ARMC3: variants seen among roughly 807,000 people sequenced by gnomAD.
ARMC3 encodes armadillo repeat-containing protein 3.
A neutral mutation model predicts 90.3 loss-of-function variants in ARMC3; 74 were observed. The observed-to-expected ratio is 0.82, with a 90% CI of 0.68 to 0.99. ARMC3 has a LOEUF of 0.99. Ranked by LOEUF, ARMC3 falls within the 50% of genes least tolerant of loss-of-function variation. The pLI, the probability that ARMC3 is intolerant of heterozygous loss-of-function variation, is 0.00. For missense variants in ARMC3, 958 were observed against 1,042.8 expected, an observed-to-expected ratio of 0.92 and a Z score of 1.12; for synonymous variants, 334 against 361.8, an observed-to-expected ratio of 0.92 and a Z score of 0.87.
intron 10 of ARMC3, among the ~76,000 whole-genome samples, chr10:22,988,689 T>A (rs567500472): frequency 1.3e-5 from 2 of 152,304 alleles, no homozygotes; most frequent in South Asian, 4.1e-4. Context: ...GTTCCACTTT[T>A]CCTTCTCCAT....
At chr10:22,947,889 A>G (rs192355210) in intron 3 of ARMC3, among the ~76,000 whole-genome samples, 6 of 152,324 alleles carry the variant, frequency 3.9e-5, no homozygotes, top group Admixed American at 3.9e-4. Flanking sequence ...ATTTAAAAAC[A>G]TACAAGATGC....
chr10:23,025,980 A>T (rs1448962160), intron 16 of ARMC3, among the ~76,000 whole-genome samples: 2 of 152,130 alleles, frequency 1.3e-5, no homozygotes, highest in African/African-American at 4.8e-5. Flanking sequence ...AGCAACTTAG[A>T]TGCAATGAAT....
At chr10:22,950,825 G>A (rs1316690217) in intron 3 of ARMC3, among the ~76,000 whole-genome samples, 2 of 151,836 alleles carry the variant, frequency 1.3e-5, no homozygotes, top group African/African-American at 4.8e-5. Context: ...CCAAGCATTA[G>A]TAACAGAAAT....
At chr10:23,028,309 T>A (rs1183106674) in intron 16 of ARMC3, among the ~76,000 whole-genome samples, 1 of 152,232 alleles carries the variant, frequency 6.6e-6, no homozygotes, top group Non-Finnish European at 1.5e-5. Context: ...AATTACGTAT[T>A]TCTCAGTTCC....
intron 18 of ARMC3, among the ~76,000 whole-genome samples, chr10:23,033,288 A>G (rs1838993259): frequency 1.3e-5 from 2 of 152,208 alleles, no homozygotes; most frequent in African/African-American, 4.8e-5. Context: ...CCATACACCT[A>G]CTATGGCGAG....
chr10:22,951,870 C>G (rs1044978056), intron 3 of ARMC3, among the ~76,000 whole-genome samples: 15 of 152,124 alleles, frequency 9.9e-5, no homozygotes, highest in Admixed American at 9.8e-4. Context: ...GTGGCTCACA[C>G]CTGTAATCTC....
chr10:22,974,047 C>T (rs7895048), intron 8 of ARMC3, among the ~76,000 whole-genome samples: 30,335 of 151,938 alleles, frequency 0.2, 3,252 homozygotes, highest in African/African-American at 0.27. Flanking sequence ...CGTGAGCCAC[C>T]GCGGTCGGCC....
chr10:22,959,894 T>C (rs1213801836), intron 6 of ARMC3: 3 of 473,674 alleles, frequency 6.3e-6, no homozygotes, highest in Non-Finnish European at 1.3e-5. Context: ...GCAGCTACTA[T>C]TGACTGAACC....
intron 16 of ARMC3, among the ~76,000 whole-genome samples, chr10:23,017,798 A>G (rs1369976871): frequency 6.6e-6 from 1 of 152,142 alleles, no homozygotes; most frequent in Non-Finnish European, 1.5e-5. Flanking sequence ...AAAACAGGTA[A>G]TTCACCTGCC....
At chr10:23,002,262 A>G (rs1837333760) in intron 12 of ARMC3, among the ~76,000 whole-genome samples, 1 of 151,474 alleles carries the variant, frequency 6.6e-6, no homozygotes, top group Non-Finnish European at 1.5e-5. Context: ...ACTGCCCTTG[A>G]AAAAATCACC....
At chr10:22,934,960 TC>T (rs2131133790) in intron 2 of ARMC3, among the ~76,000 whole-genome samples, 1 of 152,286 alleles carries the variant, frequency 6.6e-6, no homozygotes, top group East Asian at 1.9e-4. Context: ...TGTGTGGCCA[TC>T]ATGATTTACG....
At chr10:22,974,889 G>C (rs1016438550) in intron 8 of ARMC3, among the ~76,000 whole-genome samples, 1 of 150,944 alleles carries the variant, frequency 6.6e-6, no homozygotes, top group Non-Finnish European at 1.5e-5. Context: ...TGATCCACCT[G>C]CCTTGGCCTC....
chr10:23,011,307 A>G (rs569918810), intron 16 of ARMC3, among the ~76,000 whole-genome samples: 1 of 152,326 alleles, frequency 6.6e-6, no homozygotes, highest in Admixed American at 6.5e-5. Flanking sequence ...ATGCATCTGG[A>G]GCAAATGGGT....
rs1335241346 is a variant in ARMC3 at position 22,962,593 on chromosome 10, A to G, written c.732+515A>G. Among the ~76,000 whole-genome samples, 4 of 152,234 alleles carry G rather than the reference A, an allele frequency of 2.6e-5. No individual in the cohort carries two copies. The East Asian group carries it at 7.7e-4, about 29-fold the overall frequency. On this transcript the variant is annotated intron_variant, in intron 7 of 18. Transcript: ENST00000298032. ...CTGAATGTGTCCTGTGTCTTTCGCC[A>G]CTAATTCCTTAGTGAAACAGTAATA... is the stretch of plus-strand genomic sequence containing the variant.
rs1263934807 is a variant in ARMC3, at chr10:22,946,178, C to T, written c.83C>T (p.Ala28Val). The T allele has an allele frequency of 1.2e-6, 2 of 1,612,250 alleles. No individual in the cohort carries two copies. The part of the protein sequence containing the change: ...DPLMIESKKA[A>V]TVVLMLNSPE... ...TTAATGATTGAAAGCAAAAAAGCAG[C>T]AACTGTGGTGTTAATGCTTAATTCT... Residue 28 changes from alanine (A) to valine (V), a missense_variant, in exon 3 of 19, where the codon GCA (alanine) becomes GTA (valine). Transcript: ENST00000298032.
At chr10:22,976,489 A>G (rs1373677296) in intron 8 of ARMC3, among the ~76,000 whole-genome samples, 1 of 152,150 alleles carries the variant, frequency 6.6e-6, no homozygotes, top group Non-Finnish European at 1.5e-5. Context: ...AAACTCTTTT[A>G]TTCCATCGTT....
chr10:23,016,530 T>C (rs1838279447), intron 16 of ARMC3, among the ~76,000 whole-genome samples: 1 of 152,198 alleles, frequency 6.6e-6, no homozygotes. Context: ...TTCTGCTGTC[T>C]TTAACCAAAA....
rs756938128 is a variant in ARMC3 at position 22,937,154 on chromosome 10, C to T, written c.48+5110C>T. On this transcript the variant is annotated intron_variant, in intron 2 of 18. Coordinates refer to ENST00000298032, the MANE Select transcript of ARMC3 (RefSeq NM_173081.5). ...CTGGGCTCAAGAGATCTTCCCCCCT[C>T]GGCCTCCCAAAGTGCTGTGATTACA... Among the ~76,000 whole-genome samples the T allele has an allele frequency of 3.3e-5, 5 of 152,278 alleles. No individual in the cohort carries two copies. The South Asian group carries it at 6.2e-4, about 19-fold the overall frequency.
At chr10:23,029,257 T>G (rs1366027446) in intron 16 of ARMC3, among the ~76,000 whole-genome samples, 1 of 152,314 alleles carries the variant, frequency 6.6e-6, no homozygotes, top group East Asian at 1.9e-4. Flanking sequence ...CTAAGTTTAT[T>G]TCAGCATGGG....
Sources: gnomAD v4.1 joint callset for allele counts (sites outside exome capture counted in the v4.1 genomes callset) on GRCh38, gnomAD v4.1.1 for gene constraint, MANE v1.5 for transcripts, NCBI Gene and HGNC (gene_info 2026-07-23, HGNC 2026-07-21) for gene names.